The following TNNI3K variants were observed in gnomAD, a reference collection of about 807,000 sequenced individuals.
TNNI3K encodes the protein serine/threonine-protein kinase TNNI3K.
A neutral mutation model predicts 114.5 loss-of-function variants in TNNI3K; 140 were observed. The observed-to-expected ratio is 1.22, with a 90% CI of 1.07 to 1.41. The LOEUF is 1.41. TNNI3K is among the 40% of genes most tolerant of loss of function. The pLI is 0.00. For missense variants in TNNI3K, 1,125 were observed against 1,007.6 expected (o/e 1.12, Z -1.58); for synonymous variants, 347 against 347.5 (o/e 1.00, Z 0.02).
At chr1:74,514,642 G>C (rs1390804916) in intron 23 of TNNI3K, among the ~76,000 whole-genome samples, 1 of 152,096 alleles carries the variant, frequency 6.6e-6, no homozygotes, top group African/African-American at 2.4e-5. Context: ...AGATAGTAAG[G>C]GGGGAAGCTG....
intron 23 of TNNI3K, among the ~76,000 whole-genome samples, chr1:74,494,722 A>G (rs916284012): frequency 1.3e-5 from 2 of 152,248 alleles, no homozygotes; most frequent in Non-Finnish European, 2.9e-5. Flanking sequence ...TTTGCCATGT[A>G]CTAGCTCAAT....
chr1:74,408,097 T>G (rs1416557902), intron 17 of TNNI3K, among the ~76,000 whole-genome samples: 3 of 152,198 alleles, frequency 2.0e-5, no homozygotes, highest in Non-Finnish European at 4.4e-5. Context: ...ACACTTCAAG[T>G]TGCTTTTCTC....
At chr1:74,276,326 T>C (rs1656679087) in intron 5 of TNNI3K, among the ~76,000 whole-genome samples, 1 of 152,116 alleles carries the variant, frequency 6.6e-6, no homozygotes, top group African/African-American at 2.4e-5. Flanking sequence ...GCATAATGGA[T>C]GGTCATAGGA....
chr1:74,410,288 AAACTGG>A (rs759356123), intron 17 of TNNI3K, among the ~76,000 whole-genome samples: 51 of 152,176 alleles, frequency 3.4e-4, no homozygotes, highest in Non-Finnish European at 7.3e-5. Context: ...TCTTGTTTTA[AAACTGG>A]AACTTTAGCT....
intron 7 of TNNI3K, among the ~76,000 whole-genome samples, chr1:74,338,721 A>G (rs1660606369): frequency 6.6e-6 from 1 of 152,186 alleles, no homozygotes; most frequent in African/African-American, 2.4e-5. Context: ...CAACCGTGGC[A>G]AGAGACTAAG....
At chr1:74,520,168 C>CCT (rs3058793) in intron 23 of TNNI3K, among the ~76,000 whole-genome samples, 142,592 of 151,900 alleles carry the variant, frequency 0.94, 67,042 homozygotes, top group Middle Eastern at 0.97. Flanking sequence ...ACCCTTTCCC[C>CCT]GATTCCACAA....
chr1:74,241,248 A>C (rs1054735162), intron 2 of TNNI3K, among the ~76,000 whole-genome samples: 3 of 152,236 alleles, frequency 2.0e-5, no homozygotes, highest in African/African-American at 7.2e-5. Context: ...ATACATGTGC[A>C]TGTGACTTTA....
chr1:74,492,313 A>T (rs200843879), intron 23 of TNNI3K, 47 bp downstream of exon 23: 63 of 1,436,726 alleles, frequency 4.4e-5, no homozygotes, highest in Non-Finnish European at 5.0e-5. Flanking sequence ...TTATTTCAGA[A>T]TCTTATCAAG....
At chr1:74,245,475 A>G (rs1301841471) in intron 2 of TNNI3K, among the ~76,000 whole-genome samples, 1 of 152,142 alleles carries the variant, frequency 6.6e-6, no homozygotes, top group African/African-American at 2.4e-5. Flanking sequence ...TAGAAATGAG[A>G]TCATATCCTT....
At chr1:74,301,029 G>A (rs1658299202) in intron 5 of TNNI3K, among the ~76,000 whole-genome samples, 1 of 152,108 alleles carries the variant, frequency 6.6e-6, no homozygotes. Flanking sequence ...TTTCTATGGA[G>A]AGATATGCAA....
At chr1:74,481,284 C>G (rs929307469) in intron 21 of TNNI3K, among the ~76,000 whole-genome samples, 11 of 152,172 alleles carry the variant, frequency 7.2e-5, no homozygotes, top group African/African-American at 2.7e-4. Context: ...TTGAAGGTGT[C>G]TTTTCAGGCC....
intron 9 of TNNI3K, chr1:74,345,931 T>C (rs1660975962): frequency 6.6e-6 from 1 of 152,234 alleles, no homozygotes; most frequent in South Asian, 2.1e-4. Flanking sequence ...TCAACAAATC[T>C]GTGTGCAAAA....
At chr1:74,441,768 T>C (rs1666384377) in intron 20 of TNNI3K, among the ~76,000 whole-genome samples, 1 of 152,154 alleles carries the variant, frequency 6.6e-6, no homozygotes, top group Non-Finnish European at 1.5e-5. Flanking sequence ...TATGTGCTTG[T>C]TTGATATCCA....
chr1:74,311,693 T>G (rs1433477641), intron 5 of TNNI3K, among the ~76,000 whole-genome samples: 1 of 152,206 alleles, frequency 6.6e-6, no homozygotes, highest in Non-Finnish European at 1.5e-5. Context: ...TGGTGACATT[T>G]TATCATGTAA....
At chr1:74,256,283 CTTTTTTTTTTTTTTTTT>C (rs61636791) in intron 4 of TNNI3K, among the ~76,000 whole-genome samples, 8 of 42,804 alleles carry the variant, frequency 1.9e-4, no homozygotes, top group South Asian at 1.4e-3. Flanking sequence ...TGTGGTCAGT[CTTTTTTTTTTTTTTTTT>C]TTTTTTTTTT....
intron 5 of TNNI3K, among the ~76,000 whole-genome samples, chr1:74,288,289 A>G (rs994043943): frequency 6.6e-6 from 1 of 152,116 alleles, no homozygotes; most frequent in African/African-American, 2.4e-5. Flanking sequence ...GTCTCATTCT[A>G]TTGCTCTCTC....
Position 74,544,204 on chromosome 1 carries a change from T to G in TNNI3K, c.*222T>G, listed in dbSNP as rs1317531316. On this transcript the variant is annotated 3_prime_UTR_variant, in exon 25 of 25. Transcript: ENST00000326637. The stretch of plus-strand genomic sequence containing the variant: ...ACCAAGACAGAATGTATATGAAGAA[T>G]TGTTTTTAATTTTGTAAATTAAAAA... 4.3e-6 allele frequency: 2 copies of G among 462,612 alleles called. No homozygotes were observed. Among genetic ancestry groups the G allele is most frequent in the Non-Finnish European group, 7.4e-6 (2 of 269,732 alleles). The allele number at this position is 462,612 out of a possible 1,614,324, so 28.7% of individuals were successfully genotyped here. A position where few individuals can be genotyped will look rare whatever the true frequency, so the allele number is the denominator to read the frequency against.
chr1:74,339,249 G>T (rs577731320), intron 7 of TNNI3K, among the ~76,000 whole-genome samples: 1 of 152,150 alleles, frequency 6.6e-6, no homozygotes, highest in African/African-American at 2.4e-5. Flanking sequence ...AGTATTACAT[G>T]CCTCTTATTC....
chr1:74,264,682 G>T (rs889010004), intron 4 of TNNI3K, among the ~76,000 whole-genome samples: 3 of 151,960 alleles, frequency 2.0e-5, no homozygotes, highest in Non-Finnish European at 4.4e-5. Flanking sequence ...AATATTAGAG[G>T]TGAATAAGGT....
Sources: gnomAD v4.1 joint callset for allele counts (sites outside exome capture counted in the v4.1 genomes callset) on GRCh38, gnomAD v4.1.1 for gene constraint, MANE v1.5 for transcripts, NCBI Gene and HGNC (gene_info 2026-07-23, HGNC 2026-07-21) for gene names.